Variants in VPS54 observed in about 807,000 individuals in gnomAD.
VPS54 encodes VPS54 subunit of GARP complex.
Under a neutral mutation model 121.5 loss-of-function variants are expected in VPS54, and 45 were observed. That is an observed-to-expected ratio of 0.37 (90% CI 0.29 to 0.47). The LOEUF (loss-of-function observed/expected upper bound fraction) is 0.47. VPS54 is among the 20% of genes least tolerant of loss of function. The pLI is 0.99. For missense variants in VPS54, 1,090 were observed against 1,131.4 expected (o/e 0.96, Z 0.52); for synonymous variants, 371 against 385.8 (o/e 0.96, Z 0.45).
intron 11 of VPS54, among the ~76,000 whole-genome samples, chr2:63,934,352 T>C (rs558848948): frequency 2.0e-5 from 3 of 152,310 alleles, no homozygotes; most frequent in African/African-American, 7.2e-5. Context: ...TATACATTGA[T>C]ATGCCTGTCT....
intron 1 of VPS54, among the ~76,000 whole-genome samples, chr2:63,994,414 T>C (rs1456193430): frequency 6.6e-6 from 1 of 152,180 alleles, no homozygotes; most frequent in African/African-American, 2.4e-5. Context: ...CCTCCACTTA[T>C]TCGACCACTC....
At chr2:63,981,913 T>C (rs368866411) in intron 2 of VPS54, 26 bp from the exon 3 acceptor site, 23 of 1,586,710 alleles carry the variant, frequency 1.4e-5, no homozygotes, top group Non-Finnish European at 2.0e-5. Context: ...AAGAGAACTC[T>C]GTAAATGCTG....
At chr2:63,933,552 A>G (rs1674313461) in intron 12 of VPS54, 121 bp downstream of exon 12, 1 of 840,726 alleles carries the variant, frequency 1.2e-6, no homozygotes, top group Admixed American at 2.9e-5. Context: ...TAAAATTAAT[A>G]TATTTTTGTT....
rs1326822913 is a variant in VPS54 at position 63,958,655 on chromosome 2, T to C, written c.1010+3403A>G. Among the ~76,000 whole-genome samples, 8 of 152,216 alleles carry C rather than the reference T, an allele frequency of 5.3e-5. No homozygotes were observed. In the East Asian group the frequency reaches 1.2e-3, roughly 22 times the overall value. On this transcript the variant is annotated intron_variant, in intron 7 of 22. Transcript: ENST00000272322. ...ACTTGAGCCTAGGAGTTCAAGGCTA[T>C]AGTTGAGCTATGATCGCACCATTGC...
chr2:63,911,401 G>C (rs1032699090), intron 20 of VPS54, among the ~76,000 whole-genome samples: 2 of 152,096 alleles, frequency 1.3e-5, no homozygotes, highest in Non-Finnish European at 2.9e-5. Flanking sequence ...GTGTAGTGTA[G>C]TCTGGGGATT....
rs148825269 is a variant in VPS54 at position 63,910,702 on chromosome 2, C to T, written c.2625+1643G>A. The stretch of plus-strand genomic sequence containing the variant: ...TAATAACGAATATAGGTCATGCATA[C>T]ATGGGAAGTTAATTAAACAATTCTC... On this transcript the variant is annotated intron_variant, in intron 20 of 22. Transcript: ENST00000272322. 5.7e-3 allele frequency among the ~76,000 whole-genome samples: 867 copies of T among 152,126 alleles called. 2 individuals are homozygous for T. The highest frequency in any genetic ancestry group is 0.01 in the Non-Finnish European group (691 of 67,992).
intron 22 of VPS54, among the ~76,000 whole-genome samples, 158 bp downstream of exon 22, chr2:63,897,338 A>G (rs1342781667): frequency 1.3e-5 from 2 of 152,096 alleles, no homozygotes; most frequent in Admixed American, 6.6e-5. Context: ...ATAGAAACAG[A>G]TATTTCCACA....
chr2:63,956,734 T>A (rs1405848887), intron 7 of VPS54, among the ~76,000 whole-genome samples: 1 of 152,184 alleles, frequency 6.6e-6, no homozygotes, highest in Non-Finnish European at 1.5e-5. Context: ...GATGTCAATA[T>A]ACTTAGCACA....
intron 5 of VPS54, among the ~76,000 whole-genome samples, chr2:63,967,411 A>C (rs937707832): frequency 6.6e-6 from 1 of 152,178 alleles, no homozygotes; most frequent in South Asian, 2.1e-4. Context: ...AATCCAAGGG[A>C]TGTGATAAAA....
chr2:63,971,690 C>G (rs1425837445), intron 4 of VPS54, among the ~76,000 whole-genome samples: 2 of 152,212 alleles, frequency 1.3e-5, no homozygotes, highest in Non-Finnish European at 2.9e-5. Context: ...ACTGAACTTA[C>G]TCTTTAATAT....
chr2:64,010,609 A>G (rs1167872391), intron 1 of VPS54, among the ~76,000 whole-genome samples: 2 of 152,154 alleles, frequency 1.3e-5, no homozygotes, highest in Non-Finnish European at 2.9e-5. Flanking sequence ...GTAAAAGCCA[A>G]TTTCTGGCAA....
intron 1 of VPS54, among the ~76,000 whole-genome samples, chr2:64,000,213 T>C (rs1431940273): frequency 6.6e-6 from 1 of 152,212 alleles, no homozygotes; most frequent in African/African-American, 2.4e-5. Flanking sequence ...CAATTGCATT[T>C]TTCAACTCCA....
At chr2:63,974,097 T>G (rs1039168422) in intron 3 of VPS54, among the ~76,000 whole-genome samples, 1 of 152,220 alleles carries the variant, frequency 6.6e-6, no homozygotes, top group Non-Finnish European at 1.5e-5. Flanking sequence ...TACATTAAGG[T>G]CTATCATCAA....
chr2:63,905,605 G>GA (rs767427362), intron 20 of VPS54, among the ~76,000 whole-genome samples: 11 of 151,418 alleles, frequency 7.3e-5, no homozygotes, highest in Non-Finnish European at 1.3e-4. Context: ...AAAACTTGGG[G>GA]AAAAAATAAT....
intron 1 of VPS54, among the ~76,000 whole-genome samples, chr2:64,017,987 AG>A (rs1231276340): frequency 6.6e-6 from 1 of 152,196 alleles, no homozygotes; most frequent in Non-Finnish European, 1.5e-5. Context: ...TAGGCTCTGA[AG>A]GTGCTTTTTC....
chr2:63,957,437 A>G (rs1216773120), intron 7 of VPS54, among the ~76,000 whole-genome samples: 240 of 123,596 alleles, frequency 1.9e-3, no homozygotes, highest in Middle Eastern at 3.8e-3. Flanking sequence ...GCAAGACTCC[A>G]TCTCAAAAAA....
chr2:64,017,528 T>C (rs1270711879), intron 1 of VPS54, among the ~76,000 whole-genome samples: 1 of 152,186 alleles, frequency 6.6e-6, no homozygotes, highest in African/African-American at 2.4e-5. Flanking sequence ...AGTAAACTTT[T>C]AGTATTAAAT....
intron 20 of VPS54, among the ~76,000 whole-genome samples, chr2:63,900,425 C>T (rs1050360628): frequency 6.6e-6 from 1 of 152,072 alleles, no homozygotes; most frequent in African/African-American, 2.4e-5. Context: ...ACTATTCTTA[C>T]ATATGAAACA....
At chr2:64,002,064 A>G (rs1385609155) in intron 1 of VPS54, among the ~76,000 whole-genome samples, 3 of 152,166 alleles carry the variant, frequency 2.0e-5, no homozygotes, top group African/African-American at 7.2e-5. Context: ...GGCTGGTCTG[A>G]ATGCTCCCTC....
Sources: gnomAD v4.1 joint callset for allele counts (sites outside exome capture counted in the v4.1 genomes callset) on GRCh38, gnomAD v4.1.1 for gene constraint, MANE v1.5 for transcripts, NCBI Gene and HGNC (gene_info 2026-07-23, HGNC 2026-07-21) for gene names.